The following VTI1A variants were observed in gnomAD, a reference collection of about 807,000 sequenced individuals.
VTI1A encodes vesicle transport through interaction with t-SNAREs 1A.
A neutral mutation model predicts 34.9 loss-of-function variants in VTI1A; 22 were observed. The ratio of observed to expected loss-of-function variants is 0.63; its 90% CI spans 0.45 to 0.90. The LOEUF (loss-of-function observed/expected upper bound fraction) is 0.90. VTI1A is among the 40% of genes least tolerant of loss of function. The probability of loss-of-function intolerance (pLI) is 0.00; values close to 1 mark genes in which losing one functional copy is unlikely to be tolerated. For missense variants in VTI1A, 268 were observed against 275.6 expected (o/e 0.97, Z 0.20); for synonymous variants, 87 against 97.3 (o/e 0.89, Z 0.62).
intron 1 of VTI1A, chr10:112,449,724 G>T (rs1847160948): frequency 6.6e-6 from 1 of 152,154 alleles, no homozygotes. Flanking sequence ...TTGCACTCCA[G>T]CCTGGGCGAC....
intron 5 of VTI1A, among the ~76,000 whole-genome samples, chr10:112,634,772 T>TA (rs2134637907): frequency 6.6e-6 from 1 of 152,334 alleles, no homozygotes; most frequent in African/African-American, 2.4e-5. Context: ...TAAACTTTCT[T>TA]ATGACTTTTT....
chr10:112,776,760 C>T (rs1851966639), intron 7 of VTI1A, among the ~76,000 whole-genome samples: 1 of 150,642 alleles, frequency 6.6e-6, no homozygotes, highest in Non-Finnish European at 1.5e-5. Flanking sequence ...TCACTGCAAC[C>T]TCTGCCTCCC....
intron 3 of VTI1A, among the ~76,000 whole-genome samples, chr10:112,517,112 C>A (rs1414451820): frequency 1.3e-5 from 2 of 151,746 alleles, no homozygotes; most frequent in African/African-American, 4.8e-5. Context: ...ATGGGCAGAT[C>A]GTGAGAGAAG....
intron 5 of VTI1A, among the ~76,000 whole-genome samples, chr10:112,608,381 T>A (rs1409122051): frequency 1.3e-5 from 2 of 152,018 alleles, no homozygotes; most frequent in East Asian, 3.8e-4. Context: ...ATTTATGGGG[T>A]TTTTGAGGAA....
chr10:112,533,709 A>T (rs553827868), intron 4 of VTI1A, among the ~76,000 whole-genome samples: 12 of 152,042 alleles, frequency 7.9e-5, no homozygotes, highest in African/African-American at 2.6e-4. Flanking sequence ...TCTGCTCACC[A>T]TCTTTTAAAA....
intron 3 of VTI1A, among the ~76,000 whole-genome samples, chr10:112,518,651 G>GTATATA (rs36060655): frequency 5.7e-4 from 76 of 134,130 alleles, no homozygotes; most frequent in African/African-American, 1.2e-3. Context: ...GTATATACGT[G>GTATATA]TATATATATA....
chr10:112,528,263 T>C (rs1850306111), intron 4 of VTI1A, among the ~76,000 whole-genome samples: 1 of 152,178 alleles, frequency 6.6e-6, no homozygotes, highest in Non-Finnish European at 1.5e-5. Context: ...TATATGCTAA[T>C]AGTATTTGCT....
At chr10:112,733,130 A>C (rs771664383) in intron 7 of VTI1A, among the ~76,000 whole-genome samples, 27 of 152,220 alleles carry the variant, frequency 1.8e-4, no homozygotes, top group Non-Finnish European at 3.5e-4. Context: ...TGGCACGTTC[A>C]GCTCTGGAAT....
intron 7 of VTI1A, among the ~76,000 whole-genome samples, chr10:112,709,942 C>T (rs898063298): frequency 1.4e-4 from 20 of 147,858 alleles, no homozygotes; most frequent in African/African-American, 4.5e-4. Flanking sequence ...CCACCTGCCT[C>T]GGCCTCCCAA....
chr10:112,464,570 C>T lies in VTI1A; in HGVS notation c.177C>T (p.Val59=), dbSNP rs566700471. The T allele has an allele frequency of 5.0e-6, 8 of 1,612,580 alleles. No individual in the cohort carries two copies. The African/African-American group carries it at 1.1e-4, about 22-fold the overall frequency. The change falls in exon 3 of 8, where the codon GTC becomes GTT. Residue 59 remains valine (V), a synonymous_variant. Transcript: ENST00000393077. ...AGCTTGAACAGATGGATTTGGAAGT[C>T]CGAGAGATACCACCCCAAAGTCGAG... ...KELLEQMDLE[V]REIPPQSRGM...
chr10:112,696,368 A>G (rs1848788671), intron 7 of VTI1A, among the ~76,000 whole-genome samples: 1 of 152,122 alleles, frequency 6.6e-6, no homozygotes, highest in East Asian at 1.9e-4. Flanking sequence ...TAATTTTGGT[A>G]GCATAAGTCT....
intron 4 of VTI1A, chr10:112,533,523 G>A (rs1030109131): frequency 2.0e-5 from 20 of 1,009,344 alleles, no homozygotes; most frequent in Non-Finnish European, 2.4e-5. Context: ...GTGCATTCAT[G>A]TTGCAGTTGA....
intron 1 of VTI1A, among the ~76,000 whole-genome samples, chr10:112,447,780 A>G (rs1368062458): frequency 6.6e-6 from 1 of 152,212 alleles, no homozygotes; most frequent in Non-Finnish European, 1.5e-5. Flanking sequence ...TAAATTATAG[A>G]CATGTGAGTA....
At chr10:112,545,155 T>A (rs909172574) in intron 5 of VTI1A, among the ~76,000 whole-genome samples, 1 of 152,232 alleles carries the variant, frequency 6.6e-6, no homozygotes, top group African/African-American at 2.4e-5. Flanking sequence ...AATTATAAGC[T>A]GGCTTAAAAG....
chr10:112,770,531 G>A lies in VTI1A; in HGVS notation c.561-44759G>A, dbSNP rs79163999. 1.8e-3 allele frequency among the ~76,000 whole-genome samples: 279 copies of A among 151,514 alleles called. 7 individuals are homozygous for A. The East Asian group carries it at 0.042, about 23-fold the overall frequency. ...CTGCCTCAGCCTCCTGAGTAGCTGG[G>A]ACTACAGGCGCCTGTCACCACGCCC... is the stretch of plus-strand genomic sequence containing the variant. On this transcript the variant is annotated intron_variant, in intron 7 of 7. Coordinates refer to ENST00000393077, the MANE Select transcript of VTI1A (RefSeq NM_145206.4).
chr10:112,677,668 G>A (rs766178136), intron 7 of VTI1A: 6 of 152,294 alleles, frequency 3.9e-5, no homozygotes, highest in Non-Finnish European at 7.3e-5. Flanking sequence ...GTCAGCTGGA[G>A]GGTCCACAGT....
rs542547891 is a variant in VTI1A at position 112,461,106 on chromosome 10, T to C, written c.153+524T>C. 2.6e-5 allele frequency among the ~76,000 whole-genome samples: 4 copies of C among 152,312 alleles called. No homozygotes were observed. The South Asian group carries it at 6.2e-4, about 24-fold the overall frequency. On this transcript the variant is annotated intron_variant, in intron 2 of 7. Transcript: ENST00000393077. Reference sequence around the variant, plus strand: ...TTTTTATTACCCACAACAATAGCAGTTGCCTGTGTTTCAGGCTGGTTGCAT... The same window carrying C: ...TTTTTATTACCCACAACAATAGCAGCTGCCTGTGTTTCAGGCTGGTTGCAT...
chr10:112,795,547 G>T (rs1852645099), intron 7 of VTI1A, among the ~76,000 whole-genome samples: 1 of 148,582 alleles, frequency 6.7e-6, no homozygotes, highest in African/African-American at 2.5e-5. Flanking sequence ...CAATTCTTCT[G>T]CCTCAGCTTC....
intron 7 of VTI1A, among the ~76,000 whole-genome samples, chr10:112,803,317 C>T (rs1852943290): frequency 6.6e-6 from 1 of 152,222 alleles, no homozygotes. Flanking sequence ...ATCCACCCGC[C>T]TTGGCCTCCC....
Sources: gnomAD v4.1 joint callset for allele counts (sites outside exome capture counted in the v4.1 genomes callset) on GRCh38, gnomAD v4.1.1 for gene constraint, MANE v1.5 for transcripts, NCBI Gene and HGNC (gene_info 2026-07-23, HGNC 2026-07-21) for gene names.